The following ACO2 variants were observed in gnomAD, a reference collection of about 807,000 sequenced individuals.
ACO2 encodes the protein aconitate hydratase, mitochondrial.
Under a neutral mutation model 84.5 loss-of-function variants are expected in ACO2, and 31 were observed. The observed-to-expected ratio is 0.37, with a 90% confidence interval of 0.28 to 0.50. The LOEUF (loss-of-function observed/expected upper bound fraction) is 0.50, where lower values mean the gene tolerates loss of function less well. ACO2 is among the 20% of genes least tolerant of loss of function. ACO2 has a pLI of 0.97. For missense variants in ACO2, 685 were observed against 1,029.3 expected (o/e 0.67, Z 4.58); for synonymous variants, 414 against 412.7 (o/e 1.00, Z -0.04).
At chr22:41,517,923 G>T (rs1054815703) in intron 7 of ACO2, among the ~76,000 whole-genome samples, 19 of 152,214 alleles carry the variant, frequency 1.2e-4, no homozygotes, top group Non-Finnish European at 1.9e-4. Context: ...TCTCGGCCTG[G>T]TCCCTGCTGC....
chr22:41,471,456 AAT>A (rs1438808886), intron 1 of ACO2, among the ~76,000 whole-genome samples: 1 of 152,180 alleles, frequency 6.6e-6, no homozygotes, highest in Admixed American at 6.6e-5. Flanking sequence ...TTACTACCTT[AAT>A]AGTCATGTAT....
chr22:41,524,794 A>G, intron 12 of ACO2, 52 bp from the exon 13 acceptor site: 1 of 1,613,488 alleles, frequency 6.2e-7, no homozygotes, highest in Non-Finnish European at 8.5e-7. Context: ...TAGGTGCAGG[A>G]GACAGGAGTG....
At chr22:41,516,566 G>A (rs1268653333) in intron 6 of ACO2, among the ~76,000 whole-genome samples, 1 of 152,166 alleles carries the variant, frequency 6.6e-6, no homozygotes, top group East Asian at 1.9e-4. Context: ...GCTCACTCCT[G>A]CCACGGGACT....
At chr22:41,527,089 C>T (rs2066615436) in intron 15 of ACO2, 199 bp from the exon 16 acceptor site, 2 of 719,756 alleles carry the variant, frequency 2.8e-6, no homozygotes, top group South Asian at 1.9e-5. Flanking sequence ...GCCTCTGTCC[C>T]CTCGGGGCCT....
intron 14 of ACO2, chr22:41,525,682 G>A (rs1477094527): frequency 3.1e-6 from 1 of 319,716 alleles, no homozygotes; most frequent in Admixed American, 4.5e-5. Flanking sequence ...TTGCACAGCA[G>A]GCTCCACACC....
chr22:41,518,995 A>G (rs2066498084), intron 8 of ACO2, among the ~76,000 whole-genome samples: 1 of 152,114 alleles, frequency 6.6e-6, no homozygotes, highest in South Asian at 2.1e-4. Context: ...CTGGGTCCCC[A>G]GTGTTCCTGC....
chr22:41,528,753 G>T lies in ACO2; in HGVS notation c.*140G>T. 8.0e-7 allele frequency: 1 copy of T among 1,255,286 alleles called. No individual in the cohort carries two copies. Among genetic ancestry groups the T allele is most frequent in the Non-Finnish European group, 1.1e-6 (1 of 933,118 alleles). 77.8% of individuals were successfully genotyped at this position (1,255,286 alleles called of 1,614,324 possible). A position where few individuals can be genotyped will look rare whatever the true frequency, so the allele number is the denominator to read the frequency against. On this transcript the variant is annotated 3_prime_UTR_variant, in exon 18 of 18. Transcript: ENST00000216254. ...CTTCCTGCTCCCCGCTTAGCCCACG[G>T]AGTGACTGTGGTTGTGGTGGGGGGG...
intron 7 of ACO2, among the ~76,000 whole-genome samples, chr22:41,518,050 G>C (rs1320251843): frequency 1.3e-5 from 2 of 152,234 alleles, no homozygotes; most frequent in African/African-American, 4.8e-5. Context: ...ACTTCCCTGA[G>C]GCTCTAGCCT....
intron 1 of ACO2, among the ~76,000 whole-genome samples, chr22:41,483,703 T>G (rs975844251): frequency 6.6e-6 from 1 of 151,450 alleles, no homozygotes; most frequent in Non-Finnish European, 1.5e-5. Context: ...GGCATCATCA[T>G]CATCCTTCCT....
At position 41,525,289 on chromosome 22, in the gene ACO2, C is replaced by T. The variant is rs1601930388; in HGVS notation, c.1702C>T (p.Leu568=). ...CCCCACCAGCCAGCGCCTGCAGCTC[C>T]TGGAGCCTTTTGACAAGTGGGATGG... is the stretch of plus-strand genomic sequence containing the variant. The part of the protein sequence containing the change: ...VSPTSQRLQL[L]EPFDKWDGKD... Residue 568 remains leucine, a synonymous_variant, in exon 14 of 18, where the codon CTG becomes TTG. Coordinates refer to ENST00000216254, the MANE Select transcript of ACO2 (RefSeq NM_001098.3). 1.9e-6 allele frequency: 3 copies of T among 1,614,130 alleles called. No individual in the cohort carries two copies. The highest frequency in any genetic ancestry group is 1.1e-5 in the South Asian group (1 of 91,076).
At chr22:41,523,756 C>CAGCTT (rs2066547225) in intron 11 of ACO2, 74 bp from the exon 12 acceptor site, 1 of 1,365,374 alleles carries the variant, frequency 7.3e-7, no homozygotes, top group Admixed American at 1.7e-5. Context: ...CACAGGAACC[C>CAGCTT]AGCTTATCTG....
In ACO2 at chr22:41,528,609, A is replaced by G; in HGVS notation, c.2339A>G (p.Gln780Arg). The change falls in exon 18 of 18, where the codon CAG becomes CGG. Residue 780 changes from glutamine (Q) to arginine (R), a missense_variant. Coordinates refer to ENST00000216254, the MANE Select transcript of ACO2 (RefSeq NM_001098.3). ...CTCAACAGAATGAAGGAACTGCAAC[A>G]GTGAGGGCAGTGCCTCCCCGCCCCG... ...SALNRMKELQ[Q>R] The G allele has an allele frequency of 7.5e-6, 12 of 1,599,564 alleles. No homozygotes were observed. Among genetic ancestry groups the G allele is most frequent in the Non-Finnish European group, 1.0e-5 (12 of 1,175,260 alleles).
chr22:41,469,988 A>G (rs936798432), intron 1 of ACO2, among the ~76,000 whole-genome samples: 20 of 152,128 alleles, frequency 1.3e-4, no homozygotes, highest in African/African-American at 4.6e-4. Context: ...CCACGGTGCA[A>G]TTATTTCTGT....
At chr22:41,470,928 T>A (rs1222384968) in intron 1 of ACO2, among the ~76,000 whole-genome samples, 1 of 152,200 alleles carries the variant, frequency 6.6e-6, no homozygotes, top group African/African-American at 2.4e-5. Context: ...CAGGCAAGAT[T>A]ATTTGATAAG....
Position 41,520,196 on chromosome 22 carries a change from T to C in ACO2, c.1058T>C (p.Phe353Ser). Residue 353 changes from phenylalanine to serine, a missense_variant, in exon 9 of 18, where the codon TTC (phenylalanine) becomes TCC (serine). By Grantham distance (155) the Phe-to-Ser change is radical. Around this residue, in one of 5 missense-constraint regions of ACO2, gnomAD observed 311 missense variants for 441.6 expected, o/e 0.70. Coordinates refer to ENST00000216254, the MANE Select transcript of ACO2 (RefSeq NM_001098.3). ...CTGAAGCCACACATCAATGGGCCCT[T>C]CACCCCTGACCTGGCTCACCCTGTG... ...SELKPHINGP[F>S]TPDLAHPVAE... 1 of 1,613,760 alleles carries C rather than the reference T, an allele frequency of 6.2e-7. No homozygotes were observed. Among genetic ancestry groups the C allele is most frequent in the Non-Finnish European group, 8.5e-7 (1 of 1,179,782 alleles).
At chr22:41,527,575 G>T in intron 16 of ACO2, 155 bp downstream of exon 16, 1 of 1,088,064 alleles carries the variant, frequency 9.2e-7, no homozygotes, top group Non-Finnish European at 1.3e-6. Flanking sequence ...CTCACACAGT[G>T]CACATCCGAC....
chr22:41,522,906 C>T lies in ACO2; in HGVS notation c.1215C>T (p.Ala405=), dbSNP rs766263322. The change falls in exon 10 of 18, where the codon GCC becomes GCT. Residue 405 remains alanine (A), a synonymous_variant. Coordinates refer to ENST00000216254, the MANE Select transcript of ACO2 (RefSeq NM_001098.3). ...CAGCTGTGGCCAAGCAGGCACTGGC[C>T]CATGGCCTCAAGTGCAAGTCCCAGT... ...RSAAVAKQAL[A]HGLKCKSQFT... The T allele has an allele frequency of 6.2e-7, 1 of 1,614,206 alleles. No homozygotes were observed. Among genetic ancestry groups the T allele is most frequent in the South Asian group, 1.1e-5 (1 of 91,092 alleles).
intron 16 of ACO2, 76 bp downstream of exon 16, chr22:41,527,496 A>G (rs1315196072): frequency 6.5e-7 from 1 of 1,537,792 alleles, no homozygotes; most frequent in Non-Finnish European, 8.7e-7. Context: ...CCCGTGGCTG[A>G]GTTGGGCCTG....
At chr22:41,525,989 AACATTG>A in intron 14 of ACO2, 1 of 387,982 alleles carries the variant, frequency 2.6e-6, no homozygotes, top group Non-Finnish European at 4.7e-6. Context: ...AGGGTGAGCG[AACATTG>A]ACCTGTCCCA....
Sources: allele counts gnomAD v4.1 joint callset (sites outside exome capture counted in the v4.1 genomes callset), GRCh38; gene constraint gnomAD v4.1.1; regional missense constraint gnomAD v4.1.1; transcripts MANE v1.5; gene names NCBI Gene and HGNC (gene_info 2026-07-23, HGNC 2026-07-21).